The following KCTD1 variants were observed in gnomAD, a reference collection of about 807,000 sequenced individuals.
KCTD1 encodes the protein potassium channel tetramerization domain containing 1, also known as BTB/POZ domain-containing protein KCTD1.
A neutral mutation model predicts 66.0 loss-of-function variants in KCTD1; 24 were observed. The observed-to-expected ratio is 0.36, with a 90% CI of 0.26 to 0.51. The LOEUF is 0.51. Among genes scored for constraint, KCTD1 ranks in the 20% least tolerant of loss-of-function variants. The pLI, the probability that KCTD1 is intolerant of heterozygous loss-of-function variation, is 0.95. For synonymous variants in KCTD1, 511 were observed against 517.2 expected, an observed-to-expected ratio of 0.99 and a Z score of 0.16; for missense variants, 943 against 1,205.2, an observed-to-expected ratio of 0.78 and a Z score of 3.22.
At chr18:26,592,393 G>A (rs753435173) in intron 1 of KCTD1, among the ~76,000 whole-genome samples, 1 of 152,220 alleles carries the variant, frequency 6.6e-6, no homozygotes, top group Non-Finnish European at 1.5e-5. Context: ...TTCTGCAGTC[G>A]CTTTGGGATT....
chr18:26,614,549 A>G (rs1987208387), intron 1 of KCTD1, among the ~76,000 whole-genome samples: 1 of 152,196 alleles, frequency 6.6e-6, no homozygotes, highest in Non-Finnish European at 1.5e-5. Flanking sequence ...GTGAGCAGAG[A>G]CTTGGAACCC....
At chr18:26,542,346 T>C (rs951083695) in intron 1 of KCTD1, among the ~76,000 whole-genome samples, 2 of 152,220 alleles carry the variant, frequency 1.3e-5, no homozygotes, top group Admixed American at 1.3e-4. Context: ...AACTTGACTA[T>C]TGGTACAATG....
chr18:26,604,935 T>A (rs1015232180), intron 1 of KCTD1, among the ~76,000 whole-genome samples: 1 of 152,100 alleles, frequency 6.6e-6, no homozygotes, highest in African/African-American at 2.4e-5. Context: ...AGGCCTGCAG[T>A]CCAGGGCTGA....
intron 2 of KCTD1, among the ~76,000 whole-genome samples, chr18:26,484,033 G>A (rs896881889): frequency 1.3e-5 from 2 of 152,196 alleles, no homozygotes; most frequent in East Asian, 1.9e-4. Flanking sequence ...AAGGGAATGC[G>A]ATGCTGGAGA....
intron 2 of KCTD1, among the ~76,000 whole-genome samples, chr18:26,499,922 G>A (rs1171418561): frequency 1.3e-5 from 2 of 152,148 alleles, no homozygotes; most frequent in South Asian, 4.1e-4. Flanking sequence ...CCCAAATCTG[G>A]GGCAGAGCCA....
intron 1 of KCTD1, among the ~76,000 whole-genome samples, chr18:26,510,804 T>A (rs1321010591): frequency 6.6e-6 from 1 of 152,208 alleles, no homozygotes; most frequent in Non-Finnish European, 1.5e-5. Context: ...ATTCTACAGC[T>A]CAAATATAGC....
intron 1 of KCTD1, among the ~76,000 whole-genome samples, chr18:26,621,478 T>C (rs975404048): frequency 2.0e-5 from 3 of 152,000 alleles, no homozygotes; most frequent in Non-Finnish European, 4.4e-5. Flanking sequence ...GAGCTGAGTC[T>C]GCAATCTGGA....
intron 1 of KCTD1, among the ~76,000 whole-genome samples, chr18:26,614,070 G>A (rs1337916651): frequency 1.3e-5 from 2 of 151,532 alleles, no homozygotes; most frequent in African/African-American, 4.9e-5. Context: ...CCACCTGACA[G>A]TCAGTCAGAA....
intron 1 of KCTD1, among the ~76,000 whole-genome samples, chr18:26,546,268 T>C (rs970520466): frequency 1.4e-4 from 22 of 152,030 alleles, no homozygotes; most frequent in African/African-American, 5.3e-4. Flanking sequence ...TTGGCACGTT[T>C]TCTTTTCAAT....
Position 26,512,988 on chromosome 18 carries a change from T to A in KCTD1, c.1810-11738A>T, listed in dbSNP as rs111423779. ...GCAGAAAGACTGTCTCAAAAAAAAA[T>A]TTTTTTTTTCAATCAAATTATGCCT... On this transcript the variant is annotated intron_variant, in intron 1 of 4. Coordinates refer to ENST00000580059, the MANE Select transcript of KCTD1 (RefSeq NM_001142730.3). Among the ~76,000 whole-genome samples, 51 of 149,278 alleles carry A rather than the reference T, an allele frequency of 3.4e-4. No individual in the cohort carries two copies. The South Asian group carries it at 8.5e-3, about 25-fold the overall frequency.
intron 2 of KCTD1, among the ~76,000 whole-genome samples, chr18:26,489,539 G>C (rs975271756): frequency 6.6e-6 from 1 of 150,786 alleles, no homozygotes; most frequent in Non-Finnish European, 1.5e-5. Flanking sequence ...ATTGTGCCTG[G>C]CCTGTTTTTT....
At chr18:26,527,747 T>G (rs1040872345) in intron 1 of KCTD1, among the ~76,000 whole-genome samples, 1 of 152,204 alleles carries the variant, frequency 6.6e-6, no homozygotes, top group Admixed American at 6.5e-5. Flanking sequence ...TTGTGCCTTT[T>G]TGGGGGCAGG....
At chr18:26,509,562 T>G (rs559191588) in intron 1 of KCTD1, among the ~76,000 whole-genome samples, 1 of 152,210 alleles carries the variant, frequency 6.6e-6, no homozygotes, top group Non-Finnish European at 1.5e-5. Flanking sequence ...GAAGTGGGAT[T>G]ACTGGTTTTC....
At chr18:26,617,388 C>T (rs947657367) in intron 1 of KCTD1, among the ~76,000 whole-genome samples, 27 of 152,234 alleles carry the variant, frequency 1.8e-4, no homozygotes, top group African/African-American at 6.5e-4. Context: ...GCTGACGCTC[C>T]TCAACATATC....
upstream of KCTD1, among the ~76,000 whole-genome samples, chr18:26,630,384 C>T (rs532476081): frequency 7.9e-5 from 12 of 152,138 alleles, no homozygotes; most frequent in South Asian, 2.1e-4. Context: ...GGCACAATGA[C>T]GGCTCACTGC....
chr18:26,613,330 T>A (rs531792302), intron 1 of KCTD1, among the ~76,000 whole-genome samples: 1 of 152,200 alleles, frequency 6.6e-6, no homozygotes, highest in Middle Eastern at 3.2e-3. Context: ...TTAACAATCA[T>A]GTACCTGGTA....
At chr18:26,538,452 T>G (rs560774401) in intron 1 of KCTD1, among the ~76,000 whole-genome samples, 200 of 152,144 alleles carry the variant, frequency 1.3e-3, no homozygotes, top group Non-Finnish European at 2.3e-3. Flanking sequence ...TGCAAGAGCC[T>G]GCACTGAGAT....
intron 1 of KCTD1, among the ~76,000 whole-genome samples, chr18:26,556,721 A>G (rs774510810): frequency 3.9e-5 from 6 of 152,056 alleles, no homozygotes; most frequent in African/African-American, 7.2e-5. Context: ...TCCTATTCCT[A>G]TTTCACATGT....
At chr18:26,456,032 C>T in intron 4 of KCTD1, 131 bp from the exon 5 acceptor site, 2 of 801,226 alleles carry the variant, frequency 2.5e-6, no homozygotes, top group Non-Finnish European at 3.8e-6. Context: ...TGAGCTGCTC[C>T]TCTCAAAGGA....
Sources: allele counts gnomAD v4.1 joint callset (sites outside exome capture counted in the v4.1 genomes callset), GRCh38; gene constraint gnomAD v4.1.1; transcripts MANE v1.5; gene names NCBI Gene and HGNC (gene_info 2026-07-23, HGNC 2026-07-21).